Variants in HDAC4 observed in about 807,000 individuals in gnomAD.
The protein encoded by HDAC4 is histone deacetylase A.
In HDAC4, 16 loss-of-function variants were observed where a neutral mutation model predicts 135.1. The observed-to-expected ratio is 0.12, with a 90% CI of 0.08 to 0.18. The LOEUF (loss-of-function observed/expected upper bound fraction) is 0.18. Ranked by LOEUF, HDAC4 falls within the 10% of genes least tolerant of loss-of-function variation. HDAC4 has a pLI of 1.00. For synonymous variants in HDAC4, 685 were observed against 653.4 expected (o/e 1.05, Z -0.74); for missense variants, 1,143 against 1,511.8 (o/e 0.76, Z 4.05).
chr2:239,108,650 T>C (rs1446196212), intron 14 of HDAC4, among the ~76,000 whole-genome samples: 1 of 152,224 alleles, frequency 6.6e-6, no homozygotes. Context: ...CCAGTTCTGC[T>C]GGACGGAGAA....
chr2:239,166,348 G>A (rs1041399376), intron 5 of HDAC4, among the ~76,000 whole-genome samples: 5 of 152,196 alleles, frequency 3.3e-5, no homozygotes, highest in Non-Finnish European at 7.3e-5. Flanking sequence ...TGAGGCTTCA[G>A]GCTCAGGGCT....
intron 4 of HDAC4, among the ~76,000 whole-genome samples, chr2:239,188,645 G>A (rs1008232168): frequency 3.9e-5 from 6 of 152,374 alleles, no homozygotes; most frequent in Middle Eastern, 3.4e-3. Flanking sequence ...CCTGAATGGA[G>A]ACATGCCCTA....
chr2:239,091,505 C>T (rs2152726329), intron 17 of HDAC4: 1 of 152,368 alleles, frequency 6.6e-6, no homozygotes, highest in Non-Finnish European at 1.5e-5. Context: ...CCTCTGAGCG[C>T]CGAGTGCTTT....
intron 1 of HDAC4, among the ~76,000 whole-genome samples, chr2:239,396,273 G>A (rs542265169): frequency 1.3e-5 from 2 of 151,698 alleles, no homozygotes; most frequent in Non-Finnish European, 2.9e-5. Context: ...ACCTCGCCCA[G>A]CCCTATTATA....
rs1426119227 is a variant in HDAC4, at chr2:239,308,256, T to G, written c.22+44422A>C. Among the ~76,000 whole-genome samples the G allele has an allele frequency of 6.6e-6, 1 of 152,126 alleles. No homozygotes were observed. Among genetic ancestry groups the G allele is most frequent in the African/African-American group, 2.4e-5 (1 of 41,430 alleles). On this transcript the variant is annotated intron_variant, in intron 2 of 26. Coordinates refer to ENST00000543185, the MANE Select transcript of HDAC4 (RefSeq NM_001378414.1). This position sits in a 1 kb window ranked among gnomAD's most constrained non-coding sequence, Gnocchi z 4.2. ...GCTAGAGACCCGGGGGGGAGTCCACTGCCTTGGGGACACGAGGGAGCCAGG... is the reference window on the plus strand; with the variant it reads ...GCTAGAGACCCGGGGGGGAGTCCACGGCCTTGGGGACACGAGGGAGCCAGG...
Position 239,102,769 on chromosome 2 carries a change from G to A in HDAC4, c.2233+7C>T. On this transcript the variant is annotated splice_region_variant and intron_variant, in intron 16 of 26. Coordinates refer to ENST00000543185, the MANE Select transcript of HDAC4 (RefSeq NM_001378414.1). ...CAATATGGGAGGAAAGGAAGGTCCT[G>A]AAATACCTAGAAGTTTCTTACTGTC... The A allele has an allele frequency of 5.0e-6, 8 of 1,613,750 alleles. No individual in the cohort carries two copies. Among genetic ancestry groups the A allele is most frequent in the East Asian group, 2.2e-5 (1 of 44,872 alleles).
intron 16 of HDAC4, among the ~76,000 whole-genome samples, chr2:239,100,688 CAG>C (rs2037533238): frequency 6.6e-6 from 1 of 152,200 alleles, no homozygotes; most frequent in Non-Finnish European, 1.5e-5. Context: ...TAAGGGATCT[CAG>C]GGGCTATTTG....
intron 3 of HDAC4, among the ~76,000 whole-genome samples, chr2:239,219,834 C>T (rs1318297963): frequency 1.3e-5 from 2 of 152,140 alleles, no homozygotes; most frequent in South Asian, 2.1e-4. Flanking sequence ...GATGACGGAA[C>T]TGTCTGAGGC....
Position 239,262,914 on chromosome 2 carries a change from C to T in HDAC4, c.23-26250G>A, listed in dbSNP as rs1559299499. Among the ~76,000 whole-genome samples the T allele has an allele frequency of 6.6e-6, 1 of 152,074 alleles. No homozygotes were observed. Among genetic ancestry groups the T allele is most frequent in the Non-Finnish European group, 1.5e-5 (1 of 68,004 alleles). Reference sequence around the variant, plus strand: ...GATCCCTCACTGGAAGGTCACGGCACCACTGAGACAGCCTGGAAGCTTCTG... The same window carrying T: ...GATCCCTCACTGGAAGGTCACGGCATCACTGAGACAGCCTGGAAGCTTCTG... On this transcript the variant is annotated intron_variant, in intron 2 of 26. Coordinates refer to ENST00000543185, the MANE Select transcript of HDAC4 (RefSeq NM_001378414.1). The surrounding 1 kb of genome is among the most constrained non-coding windows in gnomAD (Gnocchi z 4.1).
chr2:239,135,765 G>A (rs2040910753), intron 9 of HDAC4, among the ~76,000 whole-genome samples: 1 of 152,230 alleles, frequency 6.6e-6, no homozygotes, highest in East Asian at 1.9e-4. Flanking sequence ...CGACACCTTG[G>A]TGTTAACAGA....
intron 7 of HDAC4, among the ~76,000 whole-genome samples, chr2:239,145,161 G>A (rs1455254554): frequency 6.6e-6 from 1 of 152,216 alleles, no homozygotes; most frequent in Non-Finnish European, 1.5e-5. Context: ...GAGAAAGACT[G>A]ACAGGGATGT....
intron 3 of HDAC4, among the ~76,000 whole-genome samples, chr2:239,219,743 C>T (rs1414284663): frequency 6.6e-6 from 1 of 152,128 alleles, no homozygotes; most frequent in Non-Finnish European, 1.5e-5. Context: ...ATCGAGATAT[C>T]GGTATCACAA....
intron 1 of HDAC4, among the ~76,000 whole-genome samples, chr2:239,381,741 G>A (rs1695432074): frequency 6.6e-6 from 1 of 152,210 alleles, no homozygotes; most frequent in Non-Finnish European, 1.5e-5. Context: ...GCTGTAGAAT[G>A]TTCAGTGGCA....
Position 239,087,609 on chromosome 2 carries a change from G to A in HDAC4, c.2394C>T (p.Gly798=), listed in dbSNP as rs2036103545. 3.1e-6 allele frequency: 5 copies of A among 1,613,872 alleles called. No homozygotes were observed. Among genetic ancestry groups the A allele is most frequent in the Non-Finnish European group, 4.2e-6 (5 of 1,179,958 alleles). Residue 798 remains glycine, a synonymous_variant, in exon 19 of 27, where the codon GGC becomes GGT. Coordinates refer to ENST00000543185, the MANE Select transcript of HDAC4 (RefSeq NM_001378414.1). ...FKVATGELKN[G]FAVVRPPGHH... is the part of the protein sequence containing the mutation. ...GTCCAGGGGGGCGGACCACAGCAAA[G>A]CCATTCTGCAGGTGACACCAGACAG...
intron 2 of HDAC4, among the ~76,000 whole-genome samples, chr2:239,256,028 T>C (rs923911719): frequency 6.6e-6 from 1 of 152,258 alleles, no homozygotes; most frequent in Non-Finnish European, 1.5e-5. Context: ...AGGTTCTCGA[T>C]TAATGCAAAT....
At chr2:239,163,385 C>A (rs1456876051) in intron 6 of HDAC4, among the ~76,000 whole-genome samples, 1 of 152,228 alleles carries the variant, frequency 6.6e-6, no homozygotes, top group Non-Finnish European at 1.5e-5. Flanking sequence ...GAGCACTGCT[C>A]GGTCCCTCTG....
chr2:239,336,448 A>C (rs934849906), intron 2 of HDAC4, among the ~76,000 whole-genome samples: 1 of 152,216 alleles, frequency 6.6e-6, no homozygotes, highest in Non-Finnish European at 1.5e-5. Flanking sequence ...GGAAAGGCTG[A>C]AAACAAACTC....
chr2:239,277,191 A>G (rs184626445), intron 2 of HDAC4, among the ~76,000 whole-genome samples: 23 of 152,372 alleles, frequency 1.5e-4, no homozygotes, highest in African/African-American at 4.8e-4. Flanking sequence ...CAGTAAAAGA[A>G]GAAAACATGT....
At chr2:239,341,484 G>C (rs1575719145) in intron 2 of HDAC4, among the ~76,000 whole-genome samples, 1 of 152,300 alleles carries the variant, frequency 6.6e-6, no homozygotes, top group East Asian at 1.9e-4. Flanking sequence ...TAACAGGGAG[G>C]GAGGAACTTC....
Sources: allele counts gnomAD v4.1 joint callset (sites outside exome capture counted in the v4.1 genomes callset), GRCh38; gene constraint gnomAD v4.1.1; non-coding constraint Gnocchi (gnomAD v3.1); transcripts MANE v1.5; gene names NCBI Gene and HGNC (gene_info 2026-07-23, HGNC 2026-07-21).